STX2: variants seen among roughly 807,000 people sequenced by gnomAD.
STX2 encodes the protein syntaxin 2, also known as syntaxin-2.
In STX2, 27 loss-of-function variants were observed where a neutral mutation model predicts 40.6. The observed-to-expected ratio is 0.66, with a 90% confidence interval of 0.49 to 0.92. The LOEUF (loss-of-function observed/expected upper bound fraction) is 0.92, where lower values mean the gene tolerates loss of function less well. STX2 is among the 40% of genes least tolerant of loss of function. The pLI, the probability that STX2 is intolerant of heterozygous loss-of-function variation, is 0.00. For missense variants in STX2, 328 were observed against 366.1 expected (o/e 0.90, Z 0.85); for synonymous variants, 123 against 119.1 (o/e 1.03, Z -0.22).
intron 8 of STX2, among the ~76,000 whole-genome samples, chr12:130,799,751 T>C (rs1309757880): frequency 2.7e-5 from 4 of 150,904 alleles, no homozygotes; most frequent in African/African-American, 4.9e-5. Context: ...GAGGCAGAGG[T>C]TGCAGTGAGC....
In STX2 at chr12:130,808,403, C is replaced by T. The variant is rs1397492668; in HGVS notation, c.354+228G>A. ...CCCTCTTCAGGAAAGGCACAAACCA[C>T]AGATCCTACTCTAATTTGTATTTCT... is the stretch of plus-strand genomic sequence containing the variant. On this transcript the variant is annotated intron_variant, in intron 5 of 10. Coordinates refer to ENST00000392373, the MANE Select transcript of STX2 (RefSeq NM_194356.4). Among the ~76,000 whole-genome samples, 3 of 152,182 alleles carry T rather than the reference C, an allele frequency of 2.0e-5. No homozygotes were observed. In the East Asian group the frequency reaches 5.8e-4, roughly 29 times the overall value.
chr12:130,806,911 A>T, intron 6 of STX2, 71 bp downstream of exon 6: 1 of 1,386,450 alleles, frequency 7.2e-7, no homozygotes, highest in South Asian at 1.2e-5. Context: ...TTCTGAAGTT[A>T]AAGTCATTTG....
At chr12:130,833,410 C>CA (rs1952646328) in intron 1 of STX2, among the ~76,000 whole-genome samples, 1 of 120,650 alleles carries the variant, frequency 8.3e-6, no homozygotes, top group African/African-American at 2.9e-5. Flanking sequence ...ATCACTCTAC[C>CA]TTTTTTTTTT....
chr12:130,831,849 A>G (rs1201468726), intron 1 of STX2, among the ~76,000 whole-genome samples: 2 of 149,158 alleles, frequency 1.3e-5, no homozygotes, highest in Admixed American at 1.3e-4. Context: ...TTATGTAAAT[A>G]GTATTACACT....
At chr12:130,802,648 C>T (rs1032501397) in intron 6 of STX2, among the ~76,000 whole-genome samples, 1 of 152,140 alleles carries the variant, frequency 6.6e-6, no homozygotes, top group African/African-American at 2.4e-5. Context: ...TAGGCACACA[C>T]CCATGCCTGG....
At position 130,798,615 on chromosome 12, in the gene STX2, T is replaced by G; in HGVS notation, c.696A>C (p.Ile232=). 6.3e-7 allele frequency: 1 copy of G among 1,596,522 alleles called. No individual in the cohort carries two copies. Among genetic ancestry groups the G allele is most frequent in the South Asian group, 1.1e-5 (1 of 87,162 alleles). The part of the protein sequence containing the change: ...VETQGEMINN[I]ERNVMNATDY... ...CTGTGGCATTCATAACATTTCTTTC[T>G]ATGTTGTTGATCATTTCACCCTTAA... The change falls in exon 9 of 11, where the codon ATA becomes ATC. Residue 232 remains isoleucine (I), a synonymous_variant. Transcript: ENST00000392373.
At chr12:130,835,891 A>G (rs1172170367) in intron 1 of STX2, among the ~76,000 whole-genome samples, 1 of 151,450 alleles carries the variant, frequency 6.6e-6, no homozygotes, top group East Asian at 1.9e-4. Flanking sequence ...GATTGTATTG[A>G]GCAGATTACT....
At chr12:130,818,069 C>T (rs1249074202) in intron 3 of STX2, among the ~76,000 whole-genome samples, 11 of 148,526 alleles carry the variant, frequency 7.4e-5, no homozygotes, top group African/African-American at 1.5e-4. Context: ...GGGGAGTACG[C>T]GCGGCTTCGT....
At chr12:130,798,783 A>C (rs539029777) in intron 8 of STX2, 148 bp from the exon 9 acceptor site, 620 of 517,090 alleles carry the variant, frequency 1.2e-3, no homozygotes, top group South Asian at 2.7e-3. Context: ...AGAAAGATAA[A>C]AGATGAGGCC....
chr12:130,808,204 T>C (rs915376828), intron 5 of STX2, among the ~76,000 whole-genome samples: 13 of 152,134 alleles, frequency 8.5e-5, no homozygotes, highest in African/African-American at 2.9e-4. Flanking sequence ...GAGTGCAGAA[T>C]CGACCCCCAC....
Position 130,821,783 on chromosome 12 carries a change from C to G in STX2, c.111G>C (p.Glu37Asp). ...TTTTATCAATACTGTTTCTAATCTC[C>G]TCCACCTAGGAGAGAGAGAGAGTCA... ...HFMDDFFHQV[E>D]EIRNSIDKIT... is the part of the protein sequence containing the mutation. Residue 37 changes from glutamate (E) to aspartate (D), a missense_variant, in exon 3 of 11, where the codon GAG becomes GAC. Coordinates refer to ENST00000392373, the MANE Select transcript of STX2 (RefSeq NM_194356.4). 2 of 1,603,426 alleles carry G rather than the reference C, an allele frequency of 1.2e-6. No homozygotes were observed. Among genetic ancestry groups the G allele is most frequent in the Non-Finnish European group, 1.7e-6 (2 of 1,170,366 alleles).
chr12:130,824,740 C>G (rs1952237081), intron 2 of STX2, among the ~76,000 whole-genome samples: 1 of 152,178 alleles, frequency 6.6e-6, no homozygotes, highest in African/African-American at 2.4e-5. Context: ...CTCTTGCAAA[C>G]TTCTATGTGA....
chr12:130,813,953 T>C (rs556258532), intron 3 of STX2, among the ~76,000 whole-genome samples: 103 of 152,310 alleles, frequency 6.8e-4, no homozygotes, highest in African/African-American at 2.3e-3. Context: ...GTTTCTGCCG[T>C]AGACAACTTG....
In STX2 at chr12:130,834,117, C is replaced by T. The variant is rs547322590; in HGVS notation, c.30+4953G>A. Among the ~76,000 whole-genome samples the T allele has an allele frequency of 1.3e-3, 203 of 152,250 alleles. 2 individuals carry two copies. The highest frequency in any genetic ancestry group is 4.3e-3 in the African/African-American group (180 of 41,550). On this transcript the variant is annotated intron_variant, in intron 1 of 10. Transcript: ENST00000392373. ...AAAGGTGCAAGGCTACATGTGGTGGCTCACGCCTGTAATCCCAGCACTTTG... is the reference window on the plus strand; with the variant it reads ...AAAGGTGCAAGGCTACATGTGGTGGTTCACGCCTGTAATCCCAGCACTTTG...
Position 130,801,403 on chromosome 12 carries a change from A to G in STX2, c.537+12T>C. The G allele has an allele frequency of 6.2e-7, 1 of 1,604,388 alleles. No homozygotes were observed. Among genetic ancestry groups the G allele is most frequent in the South Asian group, 1.1e-5 (1 of 89,590 alleles). ...AGAGGACATGGAGCCACAGGGCCGC[A>G]CCCCCACTCACGTCGGAAGTGAAGA... On this transcript the variant is annotated intron_variant, in intron 7 of 10. Coordinates refer to ENST00000392373, the MANE Select transcript of STX2 (RefSeq NM_194356.4).
chr12:130,820,686 T>C (rs981366041), intron 3 of STX2, among the ~76,000 whole-genome samples: 1 of 151,672 alleles, frequency 6.6e-6, no homozygotes, highest in Admixed American at 6.6e-5. Flanking sequence ...AAAAAATAGA[T>C]AAATAAAAAA....
chr12:130,815,970 G>A (rs115462289), intron 3 of STX2, among the ~76,000 whole-genome samples: 1,965 of 152,108 alleles, frequency 0.013, 44 homozygotes, highest in African/African-American at 0.045. Context: ...TTATAAAATG[G>A]GGCATTTGAC....
At chr12:130,836,293 G>T (rs1011784112) in intron 1 of STX2, among the ~76,000 whole-genome samples, 1 of 152,030 alleles carries the variant, frequency 6.6e-6, no homozygotes, top group Non-Finnish European at 1.5e-5. Context: ...TTGAGACAGG[G>T]TCTCAATCTG....
intron 1 of STX2, among the ~76,000 whole-genome samples, chr12:130,838,348 A>G (rs1473086694): frequency 6.6e-6 from 1 of 152,098 alleles, no homozygotes; most frequent in Non-Finnish European, 1.5e-5. Flanking sequence ...ATCCTTCCAA[A>G]ATTTTTAGTG....
Sources: allele counts gnomAD v4.1 joint callset (sites outside exome capture counted in the v4.1 genomes callset), GRCh38; gene constraint gnomAD v4.1.1; transcripts MANE v1.5; gene names NCBI Gene and HGNC (gene_info 2026-07-23, HGNC 2026-07-21).